The following ECE1 variants were observed in gnomAD, a reference collection of about 807,000 sequenced individuals.
ECE1 encodes endothelin-converting enzyme 1.
In ECE1, 35 loss-of-function variants were observed where a neutral mutation model predicts 98.6. The observed-to-expected ratio is 0.35, with a 90% confidence interval of 0.27 to 0.47. The LOEUF (loss-of-function observed/expected upper bound fraction) is 0.47, where lower values mean the gene tolerates loss of function less well. ECE1 is among the 20% of genes least tolerant of loss of function. The pLI is 1.00. For synonymous variants in ECE1, 394 were observed against 407.1 expected (o/e 0.97, Z 0.39); for missense variants, 814 against 1,025.3 (o/e 0.79, Z 2.81).
At chr1:21,255,915 C>G in intron 8 of ECE1, 32 bp downstream of exon 8, 2 of 1,611,550 alleles carry the variant, frequency 1.2e-6, no homozygotes, top group Non-Finnish European at 1.7e-6. Flanking sequence ...GGAGGCCATC[C>G]CAGCCTCCCT....
At chr1:21,279,528 T>A in intron 2 of ECE1, 196 bp from the exon 3 acceptor site, 1 of 1,459,668 alleles carries the variant, frequency 6.9e-7, no homozygotes, top group South Asian at 1.4e-5. Context: ...TGCTCGGATC[T>A]GCTCCCAAAC....
Position 21,236,584 on chromosome 1 carries a change from G to C in ECE1, c.1488+162C>G, listed in dbSNP as rs569966406. On this transcript the variant is annotated intron_variant, in intron 12 of 18. Transcript: ENST00000374893. Reference sequence around the variant, plus strand: ...GAATCGCTTGAACCCGGGAGGCGGAGGTTGCGGTGAGCCAAGATCGCACCA... The same window carrying C: ...GAATCGCTTGAACCCGGGAGGCGGACGTTGCGGTGAGCCAAGATCGCACCA... Among the ~76,000 whole-genome samples, 3 of 152,230 alleles carry C rather than the reference G, an allele frequency of 2.0e-5. No individual in the cohort carries two copies. In the East Asian group the frequency reaches 5.8e-4, roughly 29 times the overall value.
Position 21,225,156 on chromosome 1 carries a change from G to A in ECE1, c.2040+94C>T, listed in dbSNP as rs1042252778. The A allele has an allele frequency of 5.8e-5, 87 of 1,511,770 alleles. No homozygotes were observed. The highest frequency in any genetic ancestry group is 1.5e-4 in the South Asian group (13 of 85,924). The allele number at this position is 1,511,770 out of a possible 1,614,324, so 93.6% of individuals were successfully genotyped here. A position where few individuals can be genotyped will look rare whatever the true frequency, so the allele number is the denominator to read the frequency against. On this transcript the variant is annotated intron_variant, in intron 17 of 18. Coordinates refer to ENST00000374893, the MANE Select transcript of ECE1 (RefSeq NM_001397.3). The surrounding 1 kb of genome is among the most constrained non-coding windows in gnomAD (Gnocchi z 5.3). ...AAACGGAAGCTCGCACGGCTGCTGC[G>A]CCTGCCCTGGTTGTCCGTGATGATC...
intron 10 of ECE1, among the ~76,000 whole-genome samples, chr1:21,242,245 C>G (rs776352369): frequency 6.6e-6 from 1 of 152,156 alleles, no homozygotes; most frequent in Non-Finnish European, 1.5e-5. Context: ...TTAGAAGAAA[C>G]AATTCAAACT....
At chr1:21,267,612 C>T (rs1196255340) in intron 4 of ECE1, among the ~76,000 whole-genome samples, 2 of 152,152 alleles carry the variant, frequency 1.3e-5, no homozygotes, top group African/African-American at 4.8e-5. Flanking sequence ...TGGGTGGGGA[C>T]ACAGCCAAAC....
chr1:21,222,080 T>C (rs2098168146), intron 17 of ECE1: 1 of 556,150 alleles, frequency 1.8e-6, no homozygotes, highest in African/African-American at 1.9e-5. Flanking sequence ...TCCAGCCTCT[T>C]CCCTGATGTG....
rs1225570617 is a variant in ECE1 at position 21,345,362 on chromosome 1, C to G, written c.3+14G>C. 3 of 1,356,840 alleles carry G rather than the reference C, an allele frequency of 2.2e-6. No homozygotes were observed. The highest frequency in any genetic ancestry group is 1.5e-5 in the African/African-American group (1 of 66,532). 84.1% of individuals were successfully genotyped at this position (1,356,840 alleles called of 1,614,324 possible). A position where few individuals can be genotyped will look rare whatever the true frequency, so the allele number is the denominator to read the frequency against. On this transcript the variant is annotated intron_variant, in intron 1 of 18. Transcript: ENST00000415912. This position sits in a 1 kb window ranked among gnomAD's most constrained non-coding sequence, Gnocchi z 5.1. ...TGGGCTGGACCGGACCAGACCTCCG[C>G]GCGCAGCACTCACCATAGCTCGCGT...
chr1:21,261,454 C>T (rs904456859), intron 4 of ECE1, among the ~76,000 whole-genome samples: 54 of 152,064 alleles, frequency 3.6e-4, no homozygotes, highest in African/African-American at 1.1e-3. Flanking sequence ...ACATCCCTGT[C>T]CCCAAGGAGC....
chr1:21,310,386 G>A (rs951213704), intron 1 of ECE1, among the ~76,000 whole-genome samples: 11 of 152,200 alleles, frequency 7.2e-5, no homozygotes, highest in African/African-American at 2.7e-4. Context: ...AAGTCCCAGG[G>A]AAGAACTCTG....
intron 4 of ECE1, among the ~76,000 whole-genome samples, chr1:21,261,175 C>G (rs1170641720): frequency 6.6e-6 from 1 of 152,224 alleles, no homozygotes; most frequent in Non-Finnish European, 1.5e-5. Flanking sequence ...GAGCCCTGCT[C>G]CAGGCCATGC....
At chr1:21,222,985 G>GT (rs998695224) in intron 17 of ECE1, among the ~76,000 whole-genome samples, 87 of 149,924 alleles carry the variant, frequency 5.8e-4, no homozygotes, top group African/African-American at 1.8e-3. Context: ...TTTTGTTTTT[G>GT]TTTTTTTTGG....
At chr1:21,263,662 C>CT (rs11296960) in intron 4 of ECE1, among the ~76,000 whole-genome samples, 32 of 150,226 alleles carry the variant, frequency 2.1e-4, no homozygotes, top group Non-Finnish European at 3.1e-4. Flanking sequence ...CCAAGATTCC[C>CT]TTTTTTTTTT....
chr1:21,323,672 C>T (rs565943178), intron 1 of ECE1, among the ~76,000 whole-genome samples: 1 of 148,560 alleles, frequency 6.7e-6, no homozygotes, highest in Non-Finnish European at 1.5e-5. Context: ...TAAAATAAGC[C>T]TTGCCTTCAT....
At position 21,220,484 on chromosome 1, in the gene ECE1, G is replaced by A. The variant is rs2098165925; in HGVS notation, c.2137-353C>T. 6.6e-6 allele frequency among the ~76,000 whole-genome samples: 1 copy of A among 151,992 alleles called. No individual in the cohort carries two copies. Among genetic ancestry groups the A allele is most frequent in the Non-Finnish European group, 1.5e-5 (1 of 68,006 alleles). ...ACTGCATTCCAGCCTCGGTGATAGA[G>A]TGAGATCCTGTCTCAAAAAGCAAAA... On this transcript the variant is annotated intron_variant, in intron 18 of 18. Coordinates refer to ENST00000374893, the MANE Select transcript of ECE1 (RefSeq NM_001397.3). This position sits in a 1 kb window ranked among gnomAD's most constrained non-coding sequence, Gnocchi z 5.0.
At chr1:21,224,715 T>C (rs1047804452) in intron 17 of ECE1, among the ~76,000 whole-genome samples, 1 of 152,212 alleles carries the variant, frequency 6.6e-6, no homozygotes, top group South Asian at 2.1e-4. Flanking sequence ...CGAGCATCTC[T>C]GAGTGTCTCT....
At chr1:21,304,189 G>A (rs1376106181) in intron 1 of ECE1, among the ~76,000 whole-genome samples, 4 of 151,144 alleles carry the variant, frequency 2.6e-5, no homozygotes, top group South Asian at 2.1e-4. Context: ...GGTGGCGGGC[G>A]CCTGTAGTCC....
intron 1 of ECE1, among the ~76,000 whole-genome samples, chr1:21,302,550 G>A (rs1638508307): frequency 6.6e-6 from 1 of 152,144 alleles, no homozygotes; most frequent in Non-Finnish European, 1.5e-5. Flanking sequence ...GTAAGATAAG[G>A]GCCAGAGAGG....
chr1:21,317,015 C>T (rs988236136), intron 1 of ECE1, among the ~76,000 whole-genome samples: 7 of 152,104 alleles, frequency 4.6e-5, no homozygotes, highest in African/African-American at 1.7e-4. Context: ...TGAAGAGTCT[C>T]TCCCAGTCTC....
At chr1:21,326,414 G>C (rs1242711520) in intron 1 of ECE1, among the ~76,000 whole-genome samples, 1 of 152,058 alleles carries the variant, frequency 6.6e-6, no homozygotes, top group African/African-American at 2.4e-5. Context: ...AGAGCCTCCA[G>C]TCCCCAGAGA....
Sources: gnomAD v4.1 joint callset for allele counts (sites outside exome capture counted in the v4.1 genomes callset) on GRCh38, gnomAD v4.1.1 for gene constraint, Gnocchi (gnomAD v3.1) non-coding constraint, MANE v1.5 for transcripts, NCBI Gene and HGNC (gene_info 2026-07-23, HGNC 2026-07-21) for gene names.